FBXL13: variants seen among roughly 807,000 people sequenced by gnomAD.
FBXL13 encodes the protein F-box and leucine-rich repeat protein 13.
Under a neutral mutation model 83.6 loss-of-function variants are expected in FBXL13, and 67 were observed. That is an observed-to-expected ratio of 0.80 (90% CI 0.66 to 0.98). The LOEUF (loss-of-function observed/expected upper bound fraction) is 0.98. Among genes scored for constraint, FBXL13 ranks in the 50% least tolerant of loss-of-function variants. The pLI, the probability that FBXL13 is intolerant of heterozygous loss-of-function variation, is 0.00. For synonymous variants in FBXL13, 272 were observed against 299.5 expected, an observed-to-expected ratio of 0.91 and a Z score of 0.95; for missense variants, 822 against 866.5, an observed-to-expected ratio of 0.95 and a Z score of 0.64.
intron 10 of FBXL13, among the ~76,000 whole-genome samples, chr7:102,914,989 G>A (rs770733935): frequency 8.5e-5 from 13 of 152,104 alleles, no homozygotes; most frequent in African/African-American, 1.7e-4. Context: ...GAGGCAGGCC[G>A]CGTGACACAG....
intron 1 of FBXL13, among the ~76,000 whole-genome samples, chr7:103,069,518 T>A (rs1361190918): frequency 6.6e-6 from 1 of 152,164 alleles, no homozygotes; most frequent in Non-Finnish European, 1.5e-5. Context: ...TCTCTCACAA[T>A]CTTTCAGTCT....
At chr7:102,991,258 T>G (rs1271567707) in intron 6 of FBXL13, among the ~76,000 whole-genome samples, 1 of 152,182 alleles carries the variant, frequency 6.6e-6, no homozygotes, top group African/African-American at 2.4e-5. Context: ...ATAGTGCCAT[T>G]CATTGAGAAA....
intron 6 of FBXL13, among the ~76,000 whole-genome samples, chr7:102,993,102 C>G (rs1463169255): frequency 1.3e-5 from 2 of 152,176 alleles, no homozygotes; most frequent in African/African-American, 2.4e-5. Flanking sequence ...GGTTGTGGAA[C>G]CTTTCCTTAT....
intron 18 of FBXL13, chr7:102,827,248 C>T (rs1799894410): frequency 2.4e-6 from 1 of 409,458 alleles, no homozygotes; most frequent in East Asian, 7.3e-5. Flanking sequence ...GAAGCTGTCC[C>T]AGCTGGGTCC....
At chr7:102,967,507 A>C (rs1305904083) in intron 7 of FBXL13, among the ~76,000 whole-genome samples, 2 of 152,218 alleles carry the variant, frequency 1.3e-5, no homozygotes, top group Non-Finnish European at 2.9e-5. Context: ...TCCTGACCTC[A>C]GGTGATCTGC....
At chr7:102,886,292 C>T (rs1482829893) in intron 11 of FBXL13, among the ~76,000 whole-genome samples, 2 of 152,184 alleles carry the variant, frequency 1.3e-5, no homozygotes, top group Non-Finnish European at 2.9e-5. Context: ...GGGTCATCTC[C>T]AGAAGAGTAT....
rs542777475 is a variant in FBXL13, at chr7:102,979,352, GTCTTGCC to G, written c.496-11242_496-11236del. On this transcript the variant is annotated intron_variant, in intron 6 of 19. Coordinates refer to ENST00000313221, the Ensembl canonical transcript of FBXL13. The stretch of plus-strand genomic sequence containing the variant: ...CCCTTGGAGAGATGCATTCTAAGAA[GTCTTGCC>G]TCTCTCTTTTACTTATAAATACCTT... Among the ~76,000 whole-genome samples, 6 of 152,294 alleles carry G rather than the reference GTCTTGCC, an allele frequency of 3.9e-5. No homozygotes were observed. The South Asian group carries it at 1.2e-3, about 32-fold the overall frequency.
At chr7:102,967,118 C>T (rs1193177744) in intron 7 of FBXL13, among the ~76,000 whole-genome samples, 1 of 150,602 alleles carries the variant, frequency 6.6e-6, no homozygotes, top group Non-Finnish European at 1.5e-5. Flanking sequence ...TACAGGCGCA[C>T]GCTACCATGC....
intron 1 of FBXL13, among the ~76,000 whole-genome samples, chr7:103,061,707 G>C (rs1797920710): frequency 6.6e-6 from 1 of 152,096 alleles, no homozygotes; most frequent in African/African-American, 2.4e-5. Flanking sequence ...GGGAGGCCAA[G>C]ACAGGCAGAT....
intron 1 of FBXL13, among the ~76,000 whole-genome samples, chr7:103,057,090 T>C (rs1013555825): frequency 6.6e-6 from 1 of 152,192 alleles, no homozygotes; most frequent in African/African-American, 2.4e-5. Flanking sequence ...TCGCCTACTC[T>C]GTGGGTTGTC....
chr7:102,982,056 T>A (rs1257174347), intron 6 of FBXL13, among the ~76,000 whole-genome samples: 3 of 152,056 alleles, frequency 2.0e-5, no homozygotes, highest in Non-Finnish European at 4.4e-5. Context: ...ACACTCTTCT[T>A]TTTCCTCCAC....
Position 102,885,446 on chromosome 7 carries a change from C to CT in FBXL13, c.1009-1135dup, listed in dbSNP as rs1039070971. 4.3e-3 allele frequency among the ~76,000 whole-genome samples: 624 copies of CT among 143,848 alleles called. 5 individuals carry two copies. The highest frequency in any genetic ancestry group is 0.015 in the African/African-American group (577 of 39,432). 94.4% of individuals were successfully genotyped at this position (143,848 alleles called of 152,430 possible). A position where few individuals can be genotyped will look rare whatever the true frequency, so the allele number is the denominator to read the frequency against. ...GAAAATGTCTAGTCAAGTTATTTGC[C>CT]TTTTTTTTTTTAGTTGGGTTGTTTG... On this transcript the variant is annotated intron_variant, in intron 11 of 19. Coordinates refer to ENST00000313221, the Ensembl canonical transcript of FBXL13.
In FBXL13 at chr7:103,020,451, C is replaced by G. The variant is rs188052174; in HGVS notation, c.495+4612G>C. 2.9e-3 allele frequency among the ~76,000 whole-genome samples: 438 copies of G among 152,278 alleles called. 2 individuals carry two copies. The highest frequency in any genetic ancestry group is 0.011 in the South Asian group (55 of 4,822). ...GTCCTCTCTCACCACTCCGATTCAA[C>G]ATAGCGTTGGAAGTTCTGGCCAGGG... On this transcript the variant is annotated intron_variant, in intron 6 of 19. Transcript: ENST00000313221.
intron 8 of FBXL13, among the ~76,000 whole-genome samples, chr7:102,946,838 C>G (rs536668952): frequency 1.3e-5 from 2 of 151,998 alleles, no homozygotes; most frequent in African/African-American, 4.8e-5. Flanking sequence ...CCACACCCAG[C>G]TAATTTTTGT....
At chr7:102,914,698 G>T (rs1306996311) in intron 10 of FBXL13, among the ~76,000 whole-genome samples, 1 of 152,210 alleles carries the variant, frequency 6.6e-6, no homozygotes, top group East Asian at 1.9e-4. Flanking sequence ...GGCTGTGTAC[G>T]TGAGATTCGA....
intron 16 of FBXL13, among the ~76,000 whole-genome samples, chr7:102,869,995 G>C (rs1808315972): frequency 6.6e-6 from 1 of 152,092 alleles, no homozygotes; most frequent in Admixed American, 6.5e-5. Context: ...TTCTCACATT[G>C]GCTTCTTTCT....
chr7:103,041,547 G>A (rs1429773487), intron 2 of FBXL13, among the ~76,000 whole-genome samples: 3 of 152,194 alleles, frequency 2.0e-5, no homozygotes, highest in African/African-American at 7.2e-5. Context: ...CAATATCCCT[G>A]ATGAACATCA....
At chr7:102,900,051 A>G (rs967523006) in intron 11 of FBXL13, among the ~76,000 whole-genome samples, 8 of 152,326 alleles carry the variant, frequency 5.3e-5, no homozygotes, top group Non-Finnish European at 8.8e-5. Flanking sequence ...CATCTCAAAA[A>G]AATAAAATAA....
intron 11 of FBXL13, among the ~76,000 whole-genome samples, chr7:102,902,429 T>C (rs1813081902): frequency 6.6e-6 from 1 of 152,230 alleles, no homozygotes; most frequent in Non-Finnish European, 1.5e-5. Context: ...CAGAAGCTTT[T>C]CGACTTCATG....
Sources: allele counts gnomAD v4.1 joint callset (sites outside exome capture counted in the v4.1 genomes callset), GRCh38; gene constraint gnomAD v4.1.1; transcripts MANE v1.5; gene names NCBI Gene and HGNC (gene_info 2026-07-23, HGNC 2026-07-21).